The following ERBB4 variants were observed in gnomAD, a reference collection of about 807,000 sequenced individuals.
ERBB4 encodes the protein erb-b2 receptor tyrosine kinase 4.
ERBB4 carries 42 observed loss-of-function variants against 158.0 expected under a neutral mutation model. The observed-to-expected ratio is 0.27, with a 90% CI of 0.21 to 0.34. The LOEUF is 0.34. Among genes scored for constraint, ERBB4 ranks in the 10% least tolerant of loss-of-function variants. The pLI, the probability that ERBB4 is intolerant of heterozygous loss-of-function variation, is 1.00. For missense variants in ERBB4, 1,333 were observed against 1,624.1 expected (o/e 0.82, Z 3.08); for synonymous variants, 583 against 558.7 (o/e 1.04, Z -0.61).
intron 3 of ERBB4, among the ~76,000 whole-genome samples, chr2:211,855,881 T>C (rs1376692726): frequency 6.6e-6 from 1 of 152,186 alleles, no homozygotes; most frequent in Non-Finnish European, 1.5e-5. Flanking sequence ...GAAACTATTA[T>C]AATTTGCAGA....
At chr2:211,936,234 A>G (rs1412439478) in intron 3 of ERBB4, among the ~76,000 whole-genome samples, 2 of 152,098 alleles carry the variant, frequency 1.3e-5, no homozygotes, top group African/African-American at 4.8e-5. Context: ...CCACTTAAAA[A>G]AAAAAGACCA....
At chr2:212,150,337 A>G (rs2080827741) in intron 1 of ERBB4, among the ~76,000 whole-genome samples, 1 of 152,154 alleles carries the variant, frequency 6.6e-6, no homozygotes, top group Non-Finnish European at 1.5e-5. Context: ...CTGTCTTCAC[A>G]TGACTCTCTT....
intron 20 of ERBB4, among the ~76,000 whole-genome samples, chr2:211,488,436 T>C (rs534803021): frequency 2.0e-5 from 3 of 152,180 alleles, no homozygotes; most frequent in South Asian, 2.1e-4. Context: ...GTATTGAGAG[T>C]GCCTAAAAGA....
chr2:211,605,102 C>T (rs574255413), intron 19 of ERBB4, among the ~76,000 whole-genome samples: 107 of 152,154 alleles, frequency 7.0e-4, no homozygotes, highest in Non-Finnish European at 1.4e-3. Context: ...GTATTCAACA[C>T]ACTTGGATCA....
chr2:212,033,207 T>A (rs183499889), intron 2 of ERBB4, among the ~76,000 whole-genome samples: 27 of 152,176 alleles, frequency 1.8e-4, no homozygotes, highest in Admixed American at 2.6e-4. Context: ...CTTTCACTTA[T>A]TCTTTGTACA....
intron 1 of ERBB4, among the ~76,000 whole-genome samples, chr2:212,158,611 A>C (rs2081113180): frequency 6.6e-6 from 1 of 151,958 alleles, no homozygotes; most frequent in Admixed American, 6.6e-5. Context: ...TAATGACTTT[A>C]TTAAGTAATC....
chr2:211,776,952 C>T (rs1343617440), intron 4 of ERBB4, among the ~76,000 whole-genome samples: 6 of 151,972 alleles, frequency 3.9e-5, no homozygotes, highest in East Asian at 1.9e-4. Context: ...GCTGTTGGAG[C>T]GTTCGTGGTT....
chr2:211,636,193 A>G (rs1253361880), intron 16 of ERBB4, among the ~76,000 whole-genome samples: 2 of 151,836 alleles, frequency 1.3e-5, no homozygotes, highest in Non-Finnish European at 2.9e-5. Flanking sequence ...TTTTTTTTGT[A>G]AAATAAACTT....
intron 2 of ERBB4, among the ~76,000 whole-genome samples, chr2:211,983,343 T>G (rs1030191288): frequency 3.9e-5 from 6 of 152,172 alleles, no homozygotes; most frequent in Admixed American, 2.6e-4. Flanking sequence ...GCTGGTTGAC[T>G]CTCACATTTC....
chr2:211,672,048 G>A (rs2071863221), intron 14 of ERBB4, among the ~76,000 whole-genome samples: 1 of 152,018 alleles, frequency 6.6e-6, no homozygotes, highest in Non-Finnish European at 1.5e-5. Context: ...TCATCCTTGT[G>A]GTCGTCCTCT....
chr2:212,286,603 T>TTTTTTGTTTGTTTG (rs1553611187), intron 1 of ERBB4, among the ~76,000 whole-genome samples: 4 of 128,746 alleles, frequency 3.1e-5, no homozygotes, highest in African/African-American at 1.2e-4. Flanking sequence ...ACTTTTTTTT[T>TTTTTTGTTTGTTTG]TTTTTTTTTT....
At chr2:211,446,951 A>G (rs1182427232) in intron 20 of ERBB4, among the ~76,000 whole-genome samples, 1 of 152,158 alleles carries the variant, frequency 6.6e-6, no homozygotes, top group Non-Finnish European at 1.5e-5. Context: ...ACATCACAAT[A>G]TATTAACATT....
intron 1 of ERBB4, among the ~76,000 whole-genome samples, chr2:212,191,704 TGTTATACATGTTACATATAACAC>T (rs2082224851): frequency 6.7e-6 from 1 of 148,334 alleles, no homozygotes; most frequent in African/African-American, 2.5e-5. Context: ...ATATAACACG[TGTTATACATGTTACATATAACAC>T]GTGTTATACA....
rs1444506384 is a variant in ERBB4, at chr2:212,245,008, C to T, written c.83-120105G>A. 3.3e-5 allele frequency among the ~76,000 whole-genome samples: 5 copies of T among 152,026 alleles called. No individual in the cohort carries two copies. In the East Asian group the frequency reaches 9.7e-4, roughly 29 times the overall value. ...GGAGTTTTCCAATGTTATACAAGTG[C>T]AGAGCCAGGATTTGAATCACAGTTA... is the stretch of plus-strand genomic sequence containing the variant. On this transcript the variant is annotated intron_variant, in intron 1 of 27. Coordinates refer to ENST00000342788, the MANE Select transcript of ERBB4 (RefSeq NM_005235.3).
At chr2:212,531,313 G>A (rs1692744202) in intron 1 of ERBB4, among the ~76,000 whole-genome samples, 1 of 152,138 alleles carries the variant, frequency 6.6e-6, no homozygotes, top group South Asian at 2.1e-4. Context: ...TTAAGTTTAG[G>A]TCAAAAATAT....
intron 1 of ERBB4, among the ~76,000 whole-genome samples, chr2:212,301,222 C>T (rs73068253): frequency 0.015 from 2,244 of 150,772 alleles, 59 homozygotes; most frequent in African/African-American, 0.052. Flanking sequence ...AACAGTTATA[C>T]TCTAATATCT....
At chr2:212,166,576 GAA>G (rs35242218) in intron 1 of ERBB4, among the ~76,000 whole-genome samples, 1 of 144,152 alleles carries the variant, frequency 6.9e-6, no homozygotes, top group Non-Finnish European at 1.5e-5. Flanking sequence ...CACAGAATTA[GAA>G]AAAAAAAAAA....
intron 25 of ERBB4, among the ~76,000 whole-genome samples, chr2:211,408,651 G>T (rs2063193459): frequency 6.6e-6 from 1 of 152,124 alleles, no homozygotes; most frequent in Admixed American, 6.6e-5. Context: ...CAAACAATAA[G>T]CACAAGTTGT....
intron 3 of ERBB4, among the ~76,000 whole-genome samples, chr2:211,807,803 T>C (rs2076655897): frequency 6.6e-6 from 1 of 152,250 alleles, no homozygotes; most frequent in Non-Finnish European, 1.5e-5. Context: ...TCCTGACTTT[T>C]TAATGATCTC....
Sources: allele counts gnomAD v4.1 joint callset (sites outside exome capture counted in the v4.1 genomes callset), GRCh38; gene constraint gnomAD v4.1.1; transcripts MANE v1.5; gene names NCBI Gene and HGNC (gene_info 2026-07-23, HGNC 2026-07-21).